Variants in HECW1 observed in about 807,000 individuals in gnomAD.
The protein encoded by HECW1 is HECT, C2 and WW domain containing E3 ubiquitin protein ligase 1.
A neutral mutation model predicts 182.3 loss-of-function variants in HECW1; 61 were observed. The observed-to-expected ratio is 0.33, with a 90% CI of 0.27 to 0.41. The LOEUF (loss-of-function observed/expected upper bound fraction) is 0.41. Among genes scored for constraint, HECW1 ranks in the 10% least tolerant of loss-of-function variants. The pLI is 1.00. For synonymous variants in HECW1, 859 were observed against 832.6 expected (o/e 1.03, Z -0.55); for missense variants, 1,739 against 2,108.9 (o/e 0.82, Z 3.44).
At chr7:43,343,107 ATCTATC>A (rs961345930) in intron 5 of HECW1, among the ~76,000 whole-genome samples, 1 of 113,874 alleles carries the variant, frequency 8.8e-6, no homozygotes, top group African/African-American at 2.8e-5. Context: ...GGCTGTGCTG[ATCTATC>A]TCTGTCTAAT....
chr7:43,507,905 C>G, intron 22 of HECW1, 113 bp from the exon 23 acceptor site: 1 of 676,772 alleles, frequency 1.5e-6, no homozygotes, highest in Non-Finnish European at 2.6e-6. Flanking sequence ...TCTTTCCTCT[C>G]TCTTTGGAGA....
intron 6 of HECW1, among the ~76,000 whole-genome samples, chr7:43,394,699 A>G (rs892010838): frequency 1.3e-5 from 2 of 152,194 alleles, no homozygotes; most frequent in African/African-American, 4.8e-5. Flanking sequence ...AGGAATTCCA[A>G]TGAGACTGTA....
rs562941077 is a variant in HECW1, at chr7:43,132,069, A to G, written c.-32+17678A>G. 3.9e-3 allele frequency among the ~76,000 whole-genome samples: 586 copies of G among 152,020 alleles called. 4 individuals carry two copies. The highest frequency in any genetic ancestry group is 5.4e-3 in the Admixed American group (83 of 15,280). On this transcript the variant is annotated intron_variant, in intron 2 of 29. Transcript: ENST00000395891. ...AGGCAAATGCAATCCTATCCACTCT[A>G]TTTTCTCTGACTCTTAGTGAAAGGA...
At chr7:43,259,998 A>G (rs1800999225) in intron 3 of HECW1, among the ~76,000 whole-genome samples, 1 of 152,196 alleles carries the variant, frequency 6.6e-6, no homozygotes, top group Non-Finnish European at 1.5e-5. Flanking sequence ...CACAAATAAA[A>G]CCACACCCAG....
intron 5 of HECW1, among the ~76,000 whole-genome samples, chr7:43,321,195 C>G (rs528923741): frequency 2.0e-5 from 3 of 152,328 alleles, no homozygotes; most frequent in Admixed American, 2.0e-4. Flanking sequence ...ACATTTTGCT[C>G]TGACCTTTGG....
intron 26 of HECW1, among the ~76,000 whole-genome samples, chr7:43,549,682 G>A: frequency 6.6e-6 from 1 of 152,190 alleles, no homozygotes; most frequent in East Asian, 1.9e-4. Context: ...AGCGCCATTT[G>A]CTGTGTGTGC....
intron 17 of HECW1, chr7:43,484,711 C>T (rs2078563340): frequency 6.6e-6 from 1 of 152,164 alleles, no homozygotes; most frequent in Admixed American, 6.5e-5. Flanking sequence ...TTTACCTCAC[C>T]TGGAAAATTT....
intron 6 of HECW1, among the ~76,000 whole-genome samples, chr7:43,385,398 G>A (rs1484564376): frequency 6.7e-6 from 1 of 149,388 alleles, no homozygotes; most frequent in African/African-American, 2.5e-5. Context: ...TCTGTCTTCT[G>A]CCCTCTAATT....
intron 2 of HECW1, among the ~76,000 whole-genome samples, chr7:43,228,311 C>A (rs1242475957): frequency 6.6e-6 from 1 of 151,568 alleles, no homozygotes; most frequent in Non-Finnish European, 1.5e-5. Context: ...CATACAGAGA[C>A]CTCATCTCTA....
chr7:43,550,557 A>G lies in HECW1; in HGVS notation c.4361A>G (p.Gln1454Arg). ...TGGCGGGTGGAGCGCGGCGTGGTAC[A>G]GCAGACCGAGGCGCTGGTGCGCGGC... ...VKWRVERGVVQQTEALVRGFY... is the reference protein window; with the variant it reads ...VKWRVERGVVRQTEALVRGFY... Residue 1454 changes from glutamine (Q) to arginine (R), a missense_variant, in exon 27 of 30, where the codon CAG (glutamine) becomes CGG (arginine). Transcript: ENST00000395891. 1 of 1,609,922 alleles carries G rather than the reference A, an allele frequency of 6.2e-7. No homozygotes were observed. Among genetic ancestry groups the G allele is most frequent in the Non-Finnish European group, 8.5e-7 (1 of 1,178,242 alleles).
In HECW1 at chr7:43,477,336, A is replaced by G. The variant is rs577677201; in HGVS notation, c.3100-2274A>G. On this transcript the variant is annotated intron_variant, in intron 16 of 29. Transcript: ENST00000395891. ...TTCAACTTTTAGAAATGCATACTAA[A>G]CAATTGCCACAGATACACAAATATA... 3.9e-5 allele frequency among the ~76,000 whole-genome samples: 6 copies of G among 152,330 alleles called. No homozygotes were observed. In the South Asian group the frequency reaches 1.2e-3, roughly 32 times the overall value.
intron 2 of HECW1, among the ~76,000 whole-genome samples, chr7:43,226,786 G>A (rs17172175): frequency 0.16 from 24,129 of 152,168 alleles, 2,084 homozygotes; most frequent in Middle Eastern, 0.3. Context: ...GCTGCCCTCC[G>A]AAGAGCCTGG....
chr7:43,435,560 T>C (rs1259836635), intron 8 of HECW1, among the ~76,000 whole-genome samples: 1 of 152,230 alleles, frequency 6.6e-6, no homozygotes, highest in Non-Finnish European at 1.5e-5. Flanking sequence ...CCTTATAGGA[T>C]TATACTTCCT....
intron 2 of HECW1, among the ~76,000 whole-genome samples, chr7:43,165,788 C>T (rs2152662074): frequency 6.6e-6 from 1 of 152,258 alleles, no homozygotes; most frequent in Non-Finnish European, 1.5e-5. Flanking sequence ...GCTGTGTCTC[C>T]AGCAGAAATA....
chr7:43,326,415 C>G (rs1158122352), intron 5 of HECW1, among the ~76,000 whole-genome samples: 1 of 152,202 alleles, frequency 6.6e-6, no homozygotes, highest in African/African-American at 2.4e-5. Flanking sequence ...ACTTGGGGCT[C>G]AACCCCACGC....
At chr7:43,382,208 C>T (rs1285209936) in intron 6 of HECW1, among the ~76,000 whole-genome samples, 2 of 152,018 alleles carry the variant, frequency 1.3e-5, no homozygotes, top group Admixed American at 6.5e-5. Flanking sequence ...ATGGCGTGAA[C>T]CCAGGAGGCG....
intron 5 of HECW1, among the ~76,000 whole-genome samples, chr7:43,345,791 CAT>C (rs71562090): frequency 2.2e-5 from 1 of 45,082 alleles, no homozygotes; most frequent in African/African-American, 7.1e-5. Context: ...AGTATTCCAT[CAT>C]ATATATACAC....
chr7:43,465,934 G>GGAAGAAAGGAAGAAAAGAAA, intron 14 of HECW1, among the ~76,000 whole-genome samples: 1 of 147,088 alleles, frequency 6.8e-6, no homozygotes, highest in African/African-American at 2.5e-5. Flanking sequence ...AAAGAAGAAA[G>GGAAGAAAGGAAGAAAAGAAA]GAAGAAAGGA....
In HECW1 at chr7:43,350,926, A is replaced by T. The variant is rs984820675; in HGVS notation, c.461-9960A>T. On this transcript the variant is annotated intron_variant, in intron 5 of 29. Coordinates refer to ENST00000395891, the MANE Select transcript of HECW1 (RefSeq NM_015052.5). ...CTGGTGCACTAGTGTGATTTTTGGG[A>T]GGCATTGACAAGACTTGTTTTATCA... Among the ~76,000 whole-genome samples, 3 of 152,048 alleles carry T rather than the reference A, an allele frequency of 2.0e-5. No individual in the cohort carries two copies. In the East Asian group the frequency reaches 5.8e-4, roughly 29 times the overall value.
Sources: gnomAD v4.1 joint callset for allele counts (sites outside exome capture counted in the v4.1 genomes callset) on GRCh38, gnomAD v4.1.1 for gene constraint, MANE v1.5 for transcripts, NCBI Gene and HGNC (gene_info 2026-07-23, HGNC 2026-07-21) for gene names.